The following MAGI3 variants were observed in gnomAD, a reference collection of about 807,000 sequenced individuals.
The protein encoded by MAGI3 is membrane-associated guanylate kinase, WW and PDZ domain-containing protein 3.
In MAGI3, 43 loss-of-function variants were observed where a neutral mutation model predicts 121.8. The observed-to-expected ratio is 0.35, with a 90% CI of 0.28 to 0.46. MAGI3 has a LOEUF of 0.46. Ranked by LOEUF, MAGI3 falls within the 20% of genes least tolerant of loss-of-function variation. The pLI is 1.00. For synonymous variants in MAGI3, 553 were observed against 639.3 expected, an observed-to-expected ratio of 0.86 and a Z score of 2.04; for missense variants, 1,547 against 1,797.3, an observed-to-expected ratio of 0.86 and a Z score of 2.52.
intron 6 of MAGI3, among the ~76,000 whole-genome samples, chr1:113,599,073 T>C (rs918227897): frequency 6.6e-6 from 1 of 152,228 alleles, no homozygotes; most frequent in Non-Finnish European, 1.5e-5. Context: ...CATCTTTATT[T>C]CTGCCTTCAT....
chr1:113,399,143 C>T (rs1321802351), intron 1 of MAGI3, among the ~76,000 whole-genome samples: 3 of 151,934 alleles, frequency 2.0e-5, no homozygotes, highest in Non-Finnish European at 2.9e-5. Flanking sequence ...GTCAGTGTAG[C>T]GGTGAAGGTA....
chr1:113,436,545 C>T (rs1004487890), intron 1 of MAGI3, among the ~76,000 whole-genome samples: 11 of 151,968 alleles, frequency 7.2e-5, no homozygotes, highest in Non-Finnish European at 1.0e-4. Flanking sequence ...AAAGTTAGGA[C>T]ATTTGGGGTT....
At chr1:113,446,021 GTTTGTAACCCCACTTT>G (rs967111751) in intron 1 of MAGI3, among the ~76,000 whole-genome samples, 4 of 152,282 alleles carry the variant, frequency 2.6e-5, no homozygotes, top group African/African-American at 9.6e-5. Context: ...TGTAACAACA[GTTTGTAACCCCACTTT>G]TTTTGTTTTC....
intron 9 of MAGI3, among the ~76,000 whole-genome samples, chr1:113,635,056 AT>A (rs1651915495): frequency 6.6e-6 from 1 of 152,274 alleles, no homozygotes; most frequent in Admixed American, 6.5e-5. Context: ...GTGTATAAGA[AT>A]GCTTGTGATT....
intron 9 of MAGI3, among the ~76,000 whole-genome samples, chr1:113,641,100 T>A (rs1479338737): frequency 1.6e-5 from 1 of 63,706 alleles, no homozygotes; most frequent in East Asian, 3.1e-4. Flanking sequence ...ATTATATATA[T>A]GATATATAAA....
At chr1:113,468,088 C>G (rs1368376436) in intron 1 of MAGI3, among the ~76,000 whole-genome samples, 1 of 152,158 alleles carries the variant, frequency 6.6e-6, no homozygotes, top group East Asian at 1.9e-4. Flanking sequence ...TTCCACCCTT[C>G]CACTTTCTGT....
chr1:113,547,823 C>A (rs1659605125), intron 1 of MAGI3, among the ~76,000 whole-genome samples: 2 of 152,072 alleles, frequency 1.3e-5, no homozygotes, highest in Non-Finnish European at 1.5e-5. Context: ...ATAGAAACAA[C>A]CTCTGGGACC....
At chr1:113,562,216 T>C (rs1660268284) in intron 2 of MAGI3, among the ~76,000 whole-genome samples, 3 of 152,076 alleles carry the variant, frequency 2.0e-5, no homozygotes, top group African/African-American at 7.2e-5. Context: ...CCATCCTGGC[T>C]AACACGGTGA....
chr1:113,525,220 A>G (rs531373924), intron 1 of MAGI3, among the ~76,000 whole-genome samples: 22 of 152,268 alleles, frequency 1.4e-4, no homozygotes, highest in Admixed American at 2.6e-4. Context: ...CAATTTCCCA[A>G]TTGTTCCTAA....
At position 113,682,975 on chromosome 1, in the gene MAGI3, T is replaced by C; in HGVS notation, c.3407T>C (p.Phe1136Ser). The C allele has an allele frequency of 6.2e-7, 1 of 1,613,726 alleles. No individual in the cohort carries two copies. The highest frequency in any genetic ancestry group is 8.5e-7 in the Non-Finnish European group (1 of 1,179,822). The change falls in exon 21 of 21, where the codon TTT (phenylalanine) becomes TCT (serine). Residue 1136 changes from phenylalanine (F) to serine (S), a missense_variant. By Grantham distance (155) the Phe-to-Ser change is radical. Coordinates refer to ENST00000307546, the MANE Select transcript of MAGI3 (RefSeq NM_001142782.2). ...EQSPLPPSSH[F>S]ASIFEESHVP... ...TCACCATTACCCCCATCTTCACATT[T>C]TGCTTCCATATTTGAAGAGTCTCAC...
At position 113,458,411 on chromosome 1, in the gene MAGI3, T is replaced by C. The variant is rs139615412; in HGVS notation, c.316+67062T>C. Among the ~76,000 whole-genome samples, 182 of 152,346 alleles carry C rather than the reference T, an allele frequency of 1.2e-3. 5 individuals are homozygous for C. The East Asian group carries it at 0.033, about 28-fold the overall frequency. ...AGCTATGAGTTGAGAGCACTTTCTC[T>C]GTTTTGGCTGTGTTAACTCTCAGTA... On this transcript the variant is annotated intron_variant, in intron 1 of 20. Coordinates refer to ENST00000307546, the MANE Select transcript of MAGI3 (RefSeq NM_001142782.2).
chr1:113,527,830 G>A (rs919090010), intron 1 of MAGI3, among the ~76,000 whole-genome samples: 1 of 152,108 alleles, frequency 6.6e-6, no homozygotes, highest in East Asian at 1.9e-4. Flanking sequence ...GCTAGAATTA[G>A]TTAATATTGT....
At chr1:113,454,850 G>A (rs12046450) in intron 1 of MAGI3, among the ~76,000 whole-genome samples, 23,223 of 152,190 alleles carry the variant, frequency 0.15, 2,818 homozygotes, top group East Asian at 0.63. Context: ...CTCAGTAAAT[G>A]ATAGTCATCA....
intron 7 of MAGI3, among the ~76,000 whole-genome samples, chr1:113,616,175 C>T (rs1383265659): frequency 6.6e-6 from 1 of 152,142 alleles, no homozygotes; most frequent in South Asian, 2.1e-4. Context: ...AATCCTGAAG[C>T]GACCTGCTCC....
chr1:113,446,258 T>A (rs992598401), intron 1 of MAGI3, among the ~76,000 whole-genome samples: 12 of 152,222 alleles, frequency 7.9e-5, no homozygotes, highest in African/African-American at 2.9e-4. Flanking sequence ...GAAATGGAGC[T>A]GTTATGGGAG....
chr1:113,622,741 G>T, intron 8 of MAGI3, 65 bp from the exon 9 acceptor site: 1 of 1,263,642 alleles, frequency 7.9e-7, no homozygotes, highest in South Asian at 1.5e-5. Context: ...ATAAAAGATT[G>T]ACTCTGAGTG....
intron 1 of MAGI3, among the ~76,000 whole-genome samples, chr1:113,414,417 CTT>C (rs986315797): frequency 1.3e-5 from 2 of 152,140 alleles, no homozygotes; most frequent in African/African-American, 4.8e-5. Context: ...AGGATTCCCT[CTT>C]TTTCTACTAT....
In MAGI3 at chr1:113,534,713, A is replaced by C. The variant is rs547432976; in HGVS notation, c.317-14802A>C. Among the ~76,000 whole-genome samples the C allele has an allele frequency of 2.6e-5, 4 of 152,282 alleles. No individual in the cohort carries two copies. In the South Asian group the frequency reaches 8.3e-4, roughly 32 times the overall value. ...GATTTTTATATCCCCCATGCCTAGC[A>C]TAGTGCTTGGTATTTTGTTTTATTA... On this transcript the variant is annotated intron_variant, in intron 1 of 20. Transcript: ENST00000307546.
intron 1 of MAGI3, among the ~76,000 whole-genome samples, chr1:113,427,887 A>G (rs1653093788): frequency 6.6e-6 from 1 of 152,198 alleles, no homozygotes; most frequent in Non-Finnish European, 1.5e-5. Context: ...AAATTGGCTC[A>G]CTAAAATTTT....
Sources: allele counts gnomAD v4.1 joint callset (sites outside exome capture counted in the v4.1 genomes callset), GRCh38; gene constraint gnomAD v4.1.1; transcripts MANE v1.5; gene names NCBI Gene and HGNC (gene_info 2026-07-23, HGNC 2026-07-21).